Variants in HCN1 observed in about 807,000 individuals in gnomAD.
The protein encoded by HCN1 is hyperpolarization activated cyclic nucleotide gated potassium channel 1, also known as potassium/sodium hyperpolarization-activated cyclic nucleotide-gated channel 1.
Under a neutral mutation model 78.9 loss-of-function variants are expected in HCN1, and 13 were observed. The ratio of observed to expected loss-of-function variants is 0.16; its 90% CI spans 0.11 to 0.26. The LOEUF (loss-of-function observed/expected upper bound fraction) is 0.26. Ranked by LOEUF, HCN1 falls within the 10% of genes least tolerant of loss-of-function variation. The pLI is 1.00. For missense variants in HCN1, 810 were observed against 1,154.3 expected (o/e 0.70, Z 4.32); for synonymous variants, 552 against 455.5 (o/e 1.21, Z -2.70).
rs532446615 is a variant in HCN1, at chr5:45,645,665, C to G, written c.426-57G>C. 5.0e-4 allele frequency: 574 copies of G among 1,144,552 alleles called. 1 individual carries two copies. In the African/African-American group the frequency reaches 7.5e-3, roughly 15 times the overall value. 70.9% of individuals were successfully genotyped at this position (1,144,552 alleles called of 1,614,324 possible). A position where few individuals can be genotyped will look rare whatever the true frequency, so the allele number is the denominator to read the frequency against. Reference sequence around the variant, plus strand: ...TATAGAAAATAACCAGCCTATCCCCCCCATGAAAAATTATTACTGATATAT... The same window carrying G: ...TATAGAAAATAACCAGCCTATCCCCGCCATGAAAAATTATTACTGATATAT... On this transcript the variant is annotated intron_variant, in intron 1 of 7. Transcript: ENST00000303230.
At chr5:45,384,206 C>T (rs1747869991) in intron 4 of HCN1, among the ~76,000 whole-genome samples, 1 of 152,032 alleles carries the variant, frequency 6.6e-6, no homozygotes, top group African/African-American at 2.4e-5. Flanking sequence ...TTTAGTAAAG[C>T]TGCTTACAAT....
At chr5:45,298,126 G>C (rs575771587) in intron 6 of HCN1, among the ~76,000 whole-genome samples, 1 of 152,064 alleles carries the variant, frequency 6.6e-6, no homozygotes, top group East Asian at 1.9e-4. Flanking sequence ...ACCCAATATG[G>C]CAGTACTGAG....
chr5:45,330,762 A>C lies in HCN1; in HGVS notation c.1377+22338T>G, dbSNP rs146908944. On this transcript the variant is annotated intron_variant, in intron 5 of 7. Coordinates refer to ENST00000303230, the MANE Select transcript of HCN1 (RefSeq NM_021072.4). Reference sequence around the variant, plus strand: ...TATCAAATATGCTTCTTTGGTATTGATGTTTCTTGTCCTACTAATGCATAC... The same window carrying C: ...TATCAAATATGCTTCTTTGGTATTGCTGTTTCTTGTCCTACTAATGCATAC... 5.2e-3 allele frequency among the ~76,000 whole-genome samples: 779 copies of C among 151,082 alleles called. 4 individuals are homozygous for C. The highest frequency in any genetic ancestry group is 7.3e-3 in the Non-Finnish European group (490 of 67,344).
At chr5:45,519,882 A>T (rs1742582121) in intron 2 of HCN1, among the ~76,000 whole-genome samples, 1 of 151,972 alleles carries the variant, frequency 6.6e-6, no homozygotes, top group East Asian at 1.9e-4. Flanking sequence ...AAAAATATTT[A>T]TAGGTGATTT....
chr5:45,336,991 A>G (rs1160685559), intron 5 of HCN1, among the ~76,000 whole-genome samples: 5 of 151,914 alleles, frequency 3.3e-5, no homozygotes, highest in Non-Finnish European at 7.4e-5. Flanking sequence ...AACTGGGGGC[A>G]GAGGGCATAA....
At chr5:45,298,592 C>A (rs919443888) in intron 6 of HCN1, among the ~76,000 whole-genome samples, 17 of 151,904 alleles carry the variant, frequency 1.1e-4, no homozygotes, top group Middle Eastern at 3.2e-3. Flanking sequence ...TGGATTATAA[C>A]CCAAATTATA....
chr5:45,501,981 G>C (rs774012595), intron 2 of HCN1, among the ~76,000 whole-genome samples: 1 of 151,998 alleles, frequency 6.6e-6, no homozygotes, highest in Non-Finnish European at 1.5e-5. Flanking sequence ...GCAATATATT[G>C]TTTGTATTAT....
At chr5:45,319,089 AC>A (rs1186330197) in intron 5 of HCN1, among the ~76,000 whole-genome samples, 1 of 151,864 alleles carries the variant, frequency 6.6e-6, no homozygotes, top group Non-Finnish European at 1.5e-5. Context: ...TATCCATTCT[AC>A]TCTTCATGAC....
intron 6 of HCN1, among the ~76,000 whole-genome samples, chr5:45,287,163 C>G (rs1382800630): frequency 6.6e-6 from 1 of 151,456 alleles, no homozygotes; most frequent in African/African-American, 2.4e-5. Flanking sequence ...TTCTTATTTT[C>G]TGAAATGTTA....
At chr5:45,596,018 C>G (rs989857301) in intron 2 of HCN1, among the ~76,000 whole-genome samples, 7 of 151,998 alleles carry the variant, frequency 4.6e-5, no homozygotes, top group African/African-American at 1.7e-4. Flanking sequence ...GCCTCAGCCT[C>G]CCGAGTAGCT....
Position 45,658,594 on chromosome 5 carries a change from C to T in HCN1, c.426-12986G>A, listed in dbSNP as rs1324806987. Among the ~76,000 whole-genome samples, 97 of 151,772 alleles carry T rather than the reference C, an allele frequency of 6.4e-4. 1 individual carries two copies. Among genetic ancestry groups the T allele is most frequent in the South Asian group, 3.8e-3 (18 of 4,784 alleles). On this transcript the variant is annotated intron_variant, in intron 1 of 7. Coordinates refer to ENST00000303230, the MANE Select transcript of HCN1 (RefSeq NM_021072.4). ...GACAGTGGGCGCAGGCCAGTGTGTGCGCGCACCGTGCGCGAGCCGAAGCAG... is the reference window on the plus strand; with the variant it reads ...GACAGTGGGCGCAGGCCAGTGTGTGTGCGCACCGTGCGCGAGCCGAAGCAG...
chr5:45,354,443 T>C (rs1746970879), intron 4 of HCN1, among the ~76,000 whole-genome samples: 1 of 152,030 alleles, frequency 6.6e-6, no homozygotes, highest in Admixed American at 6.6e-5. Flanking sequence ...TTTGATATAC[T>C]TTATATGGAC....
intron 4 of HCN1, among the ~76,000 whole-genome samples, chr5:45,371,886 AATATAATATACATTATATTATAAAAAAT>A (rs1413217811): frequency 3.1e-5 from 3 of 95,504 alleles, no homozygotes; most frequent in Admixed American, 1.5e-4. Context: ...ATATGAAATA[AATATAATATACATTATATTATAAAAAAT>A]ATATAATATA....
chr5:45,329,944 A>C (rs1055242271), intron 5 of HCN1, among the ~76,000 whole-genome samples: 2 of 151,378 alleles, frequency 1.3e-5, no homozygotes, highest in Admixed American at 6.6e-5. Context: ...AGGAGATTCC[A>C]GATAGGAGAG....
At chr5:45,512,005 T>C (rs1413014170) in intron 2 of HCN1, among the ~76,000 whole-genome samples, 2 of 152,058 alleles carry the variant, frequency 1.3e-5, no homozygotes, top group Non-Finnish European at 2.9e-5. Flanking sequence ...CAAAAGGAAG[T>C]AGTATTTAGT....
chr5:45,372,027 T>G (rs1747384132), intron 4 of HCN1, among the ~76,000 whole-genome samples: 1 of 66,526 alleles, frequency 1.5e-5, no homozygotes, highest in South Asian at 4.4e-4. Context: ...ATATATATAA[T>G]ATAATTATAT....
At chr5:45,556,746 T>C (rs1429055497) in intron 2 of HCN1, among the ~76,000 whole-genome samples, 1 of 151,940 alleles carries the variant, frequency 6.6e-6, no homozygotes, top group Non-Finnish European at 1.5e-5. Flanking sequence ...CCAAACTGAT[T>C]CTTTCCCTTA....
chr5:45,595,936 C>A (rs1391578468), intron 2 of HCN1, among the ~76,000 whole-genome samples: 1 of 151,778 alleles, frequency 6.6e-6, no homozygotes, highest in Admixed American at 6.6e-5. Context: ...GTCACCCAGG[C>A]TGGAGTGCAG....
At chr5:45,568,323 C>A (rs763992232) in intron 2 of HCN1, among the ~76,000 whole-genome samples, 4 of 151,804 alleles carry the variant, frequency 2.6e-5, no homozygotes, top group Non-Finnish European at 5.9e-5. Flanking sequence ...AATTAATCTT[C>A]TTTAGATGAT....
Sources: gnomAD v4.1 joint callset for allele counts (sites outside exome capture counted in the v4.1 genomes callset) on GRCh38, gnomAD v4.1.1 for gene constraint, MANE v1.5 for transcripts, NCBI Gene and HGNC (gene_info 2026-07-23, HGNC 2026-07-21) for gene names.